Variants in EHBP1 observed in about 807,000 individuals in gnomAD.
EHBP1 encodes the protein EH domain binding protein 1.
Under a neutral mutation model 144.0 loss-of-function variants are expected in EHBP1, and 55 were observed. The observed-to-expected ratio is 0.38, with a 90% CI of 0.31 to 0.48. The LOEUF (loss-of-function observed/expected upper bound fraction) is 0.48. Ranked by LOEUF, EHBP1 falls within the 20% of genes least tolerant of loss-of-function variation. The pLI, the probability that EHBP1 is intolerant of heterozygous loss-of-function variation, is 0.98. For missense variants in EHBP1, 1,200 were observed against 1,364.2 expected (o/e 0.88, Z 1.90); for synonymous variants, 469 against 472.7 (o/e 0.99, Z 0.10).
intron 2 of EHBP1, among the ~76,000 whole-genome samples, chr2:62,722,703 T>C (rs923893781): frequency 7.2e-5 from 11 of 152,198 alleles, no homozygotes; most frequent in African/African-American, 2.7e-4. Flanking sequence ...ACTTCTTAAG[T>C]GTCAATTCAC....
chr2:62,893,619 G>GAAAT (rs1419747179), intron 10 of EHBP1, among the ~76,000 whole-genome samples: 1 of 152,132 alleles, frequency 6.6e-6, no homozygotes, highest in African/African-American at 2.4e-5. Flanking sequence ...GTTTAGGTGA[G>GAAAT]AAATAAACTA....
At chr2:62,932,653 A>G (rs181329891) in intron 10 of EHBP1, among the ~76,000 whole-genome samples, 114 of 152,254 alleles carry the variant, frequency 7.5e-4, no homozygotes, top group Non-Finnish European at 1.3e-3. Flanking sequence ...TATTAACTGC[A>G]TACTTAAAAA....
At chr2:62,799,669 G>A (rs1052207254) in intron 5 of EHBP1, among the ~76,000 whole-genome samples, 1 of 152,138 alleles carries the variant, frequency 6.6e-6, no homozygotes, top group Non-Finnish European at 1.5e-5. Context: ...TGAAGTTGGG[G>A]CATCAGTATG....
At chr2:62,790,001 G>A (rs1288857608) in intron 5 of EHBP1, among the ~76,000 whole-genome samples, 2 of 152,114 alleles carry the variant, frequency 1.3e-5, no homozygotes, top group East Asian at 1.9e-4. Context: ...CTTACACATT[G>A]TTTTTCCACA....
At chr2:62,925,598 T>C (rs2055440153) in intron 10 of EHBP1, among the ~76,000 whole-genome samples, 2 of 152,142 alleles carry the variant, frequency 1.3e-5, no homozygotes, top group Non-Finnish European at 1.5e-5. Flanking sequence ...AAAATTTGTA[T>C]ATTAAAATCA....
chr2:62,953,770 T>TAA (rs146037845), intron 13 of EHBP1, among the ~76,000 whole-genome samples: 2 of 151,260 alleles, frequency 1.3e-5, no homozygotes, highest in Non-Finnish European at 3.0e-5. Flanking sequence ...CCAGGAAAAT[T>TAA]AAAAAAAAAC....
At chr2:62,743,361 T>C (rs1184133984) in intron 2 of EHBP1, among the ~76,000 whole-genome samples, 1 of 152,090 alleles carries the variant, frequency 6.6e-6, no homozygotes, top group East Asian at 1.9e-4. Context: ...CTGAGATATT[T>C]ATAAATAGTT....
rs564981059 is a variant in EHBP1, at chr2:62,791,042, A to G, written c.312+19650A>G. On this transcript the variant is annotated intron_variant, in intron 5 of 22. Coordinates refer to ENST00000431489, the MANE Select transcript of EHBP1 (RefSeq NM_001142616.3). Reference sequence around the variant, plus strand: ...TTTAGAGCTAGAAGAAAACTTAGAAATCATAAAATTCTCCTTGCTCATTTT... The same window carrying G: ...TTTAGAGCTAGAAGAAAACTTAGAAGTCATAAAATTCTCCTTGCTCATTTT... Among the ~76,000 whole-genome samples the G allele has an allele frequency of 9.9e-5, 15 of 152,196 alleles. No individual in the cohort carries two copies. In the East Asian group the frequency reaches 2.7e-3, roughly 27 times the overall value.
intron 6 of EHBP1, among the ~76,000 whole-genome samples, chr2:62,829,144 A>C (rs1236401712): frequency 6.6e-6 from 1 of 152,090 alleles, no homozygotes; most frequent in Non-Finnish European, 1.5e-5. Context: ...AAAGAAAAGA[A>C]TATTTTAGTC....
At chr2:62,854,126 ACTT>A (rs774629748) in intron 7 of EHBP1, among the ~76,000 whole-genome samples, 6 of 152,160 alleles carry the variant, frequency 3.9e-5, no homozygotes, top group Non-Finnish European at 8.8e-5. Context: ...TTAGCTTCAG[ACTT>A]CTTCTGCAGC....
Position 62,833,071 on chromosome 2 carries a change from A to G in EHBP1, c.634+1913A>G, listed in dbSNP as rs373103952. On this transcript the variant is annotated intron_variant, in intron 7 of 22. Coordinates refer to ENST00000431489, the MANE Select transcript of EHBP1 (RefSeq NM_001142616.3). The stretch of plus-strand genomic sequence containing the variant: ...AGATTTAAAAAATGCATAAAGCCTT[A>G]TTGCTGATACAGAGAAAGCTTTAAT... Among the ~76,000 whole-genome samples, 8 of 152,214 alleles carry G rather than the reference A, an allele frequency of 5.3e-5. 1 individual carries two copies. In the East Asian group the frequency reaches 5.8e-4, roughly 11 times the overall value.
At chr2:62,743,569 A>G (rs2038906851) in intron 2 of EHBP1, among the ~76,000 whole-genome samples, 1 of 152,114 alleles carries the variant, frequency 6.6e-6, no homozygotes, top group Non-Finnish European at 1.5e-5. Context: ...AATGCTTATT[A>G]TGATTATGGA....
At chr2:62,694,068 G>A (rs939930699) in intron 1 of EHBP1, among the ~76,000 whole-genome samples, 1 of 152,046 alleles carries the variant, frequency 6.6e-6, no homozygotes, top group Non-Finnish European at 1.5e-5. Flanking sequence ...TTAACATTTA[G>A]GTTAATGATA....
At chr2:62,688,640 C>G (rs974671797) in intron 1 of EHBP1, among the ~76,000 whole-genome samples, 1 of 152,048 alleles carries the variant, frequency 6.6e-6, no homozygotes, top group African/African-American at 2.4e-5. Flanking sequence ...CTTATGCTTC[C>G]CAGCCTCTAG....
chr2:62,859,443 C>A (rs1270011406), intron 8 of EHBP1, 152 bp downstream of exon 8: 3 of 693,688 alleles, frequency 4.3e-6, no homozygotes, highest in Non-Finnish European at 6.4e-6. Context: ...TGGAGTTGAT[C>A]AGCAATTCTG....
intron 14 of EHBP1, among the ~76,000 whole-genome samples, chr2:62,973,726 G>A (rs2153181551): frequency 6.6e-6 from 1 of 152,282 alleles, no homozygotes; most frequent in Non-Finnish European, 1.5e-5. Flanking sequence ...TGGTCCAGAT[G>A]TGGTGGCTCA....
At chr2:62,846,169 A>G (rs1010296897) in intron 7 of EHBP1, among the ~76,000 whole-genome samples, 1 of 152,178 alleles carries the variant, frequency 6.6e-6, no homozygotes, top group African/African-American at 2.4e-5. Context: ...ATGACACTAA[A>G]CATAATCTAG....
At chr2:62,932,366 A>G (rs940150376) in intron 10 of EHBP1, among the ~76,000 whole-genome samples, 1 of 152,182 alleles carries the variant, frequency 6.6e-6, no homozygotes, top group African/African-American at 2.4e-5. Context: ...TGTGGTATAT[A>G]TCTGCAGTGG....
intron 2 of EHBP1, among the ~76,000 whole-genome samples, chr2:62,744,433 A>T (rs1189830291): frequency 6.6e-6 from 1 of 152,106 alleles, no homozygotes; most frequent in Non-Finnish European, 1.5e-5. Context: ...AATGCTTAAA[A>T]TATTAATTGT....
Sources: gnomAD v4.1 joint callset for allele counts (sites outside exome capture counted in the v4.1 genomes callset) on GRCh38, gnomAD v4.1.1 for gene constraint, MANE v1.5 for transcripts, NCBI Gene and HGNC (gene_info 2026-07-23, HGNC 2026-07-21) for gene names.